The following GAS2L2 variants were observed in gnomAD, a reference collection of about 807,000 sequenced individuals.
The protein encoded by GAS2L2 is growth arrest specific 2 like 2.
In GAS2L2, 21 loss-of-function variants were observed where a neutral mutation model predicts 35.2. The ratio of observed to expected loss-of-function variants is 0.60; its 90% CI spans 0.42 to 0.86. The LOEUF (loss-of-function observed/expected upper bound fraction) is 0.86. Among genes scored for constraint, GAS2L2 ranks in the 40% least tolerant of loss-of-function variants. The pLI is 0.00. For missense variants in GAS2L2, 1,169 were observed against 1,144.4 expected, an observed-to-expected ratio of 1.02 and a Z score of -0.31; for synonymous variants, 490 against 473.2, an observed-to-expected ratio of 1.04 and a Z score of -0.46.
chr17:35,746,902 G>A (rs1307255666), intron 5 of GAS2L2, 114 bp downstream of exon 5: 1 of 1,096,812 alleles, frequency 9.1e-7, no homozygotes, highest in African/African-American at 1.6e-5. Flanking sequence ...AAAACCTGTG[G>A]TCTCGGGGTA....
rs782216447 is a variant in GAS2L2 at position 35,745,708 on chromosome 17, C to T, written c.1789G>A (p.Glu597Lys). ...TCAAGGCTACAGTAGATGGCTTGCT[C>T]CTTGTTCCCGCCCAAGGGCAGAGGT... Reference protein sequence around the residue: ...YTPLPLGGNKEQAIYCSLEEE... With the variant: ...YTPLPLGGNKKQAIYCSLEEE... Residue 597 changes from glutamate (E) to lysine (K), a missense_variant, in exon 6 of 6, where the codon GAG becomes AAG. Glu to Lys is a moderately conservative substitution (Grantham distance 56, BLOSUM62 1). Coordinates refer to ENST00000604641, the MANE Select transcript of GAS2L2 (RefSeq NM_139285.4). The T allele has an allele frequency of 1.9e-6, 3 of 1,613,856 alleles. No individual in the cohort carries two copies. The East Asian group carries it at 6.7e-5, about 36-fold the overall frequency.
Position 35,746,329 on chromosome 17 carries a change from G to A in GAS2L2, c.1168C>T (p.Gln390Ter), listed in dbSNP as rs1555598993. ...GTACACTGTGGGTCTCGGCCTTTTT[G>A]GGTAGATGAGGACTGGGGGCTGGGT... Reference protein sequence around the residue: ...SPPSPQSSSTQKGRDPQCTSS... With the variant: ...SPPSPQSSST Residue 390 changes from glutamine (Q) to a stop codon, truncating the protein, a stop_gained, in exon 6 of 6, where the codon CAA (glutamine) becomes TAA (stop). Coordinates refer to ENST00000604641, the MANE Select transcript of GAS2L2 (RefSeq NM_139285.4). LOFTEE classifies it low-confidence loss of function (END_TRUNC). 2 of 1,396,092 alleles carry A rather than the reference G, an allele frequency of 1.4e-6. No homozygotes were observed. Among genetic ancestry groups the A allele is most frequent in the East Asian group, 4.9e-5 (2 of 40,612 alleles). 86.5% of individuals were successfully genotyped at this position (1,396,092 alleles called of 1,614,324 possible).
At position 35,746,189 on chromosome 17, in the gene GAS2L2, G is replaced by C; in HGVS notation, c.1308C>G (p.Thr436=). ...CCTCAATGGCTCGGAGTCTTTGTGGGGTGGGGTTCCCGGCGTCGGTTCCCC... is the reference window on the plus strand; with the variant it reads ...CCTCAATGGCTCGGAGTCTTTGTGGCGTGGGGTTCCCGGCGTCGGTTCCCC... The part of the protein sequence containing the change: ...DSWGTDAGNP[T]PQRLRAIEAT... Residue 436 remains threonine (T), a synonymous_variant, in exon 6 of 6, where the codon ACC becomes ACG. Coordinates refer to ENST00000604641, the MANE Select transcript of GAS2L2 (RefSeq NM_139285.4). 1 of 1,481,212 alleles carries C rather than the reference G, an allele frequency of 6.8e-7. No homozygotes were observed. The highest frequency in any genetic ancestry group is 2.3e-5 in the East Asian group (1 of 43,422). The allele number at this position is 1,481,212 out of a possible 1,614,324, so 91.8% of individuals were successfully genotyped here.
At chr17:35,748,251 C>T (rs1287903803) in intron 3 of GAS2L2, among the ~76,000 whole-genome samples, 1 of 152,200 alleles carries the variant, frequency 6.6e-6, no homozygotes, top group African/African-American at 2.4e-5. Context: ...TGCCTGTACC[C>T]AAAACAGGGC....
chr17:35,744,737 C>T lies in GAS2L2; in HGVS notation c.*117G>A, dbSNP rs1447670536. On this transcript the variant is annotated 3_prime_UTR_variant, in exon 6 of 6. Coordinates refer to ENST00000604641, the MANE Select transcript of GAS2L2 (RefSeq NM_139285.4). Reference sequence around the variant, plus strand: ...GTCTATATTTGTCTTCTGACCCACTCCTGCCCAAGGCCCTGTGTGGAGGTG... The same window carrying T: ...GTCTATATTTGTCTTCTGACCCACTTCTGCCCAAGGCCCTGTGTGGAGGTG... 5 of 797,812 alleles carry T rather than the reference C, an allele frequency of 6.3e-6. No homozygotes were observed. The highest frequency in any genetic ancestry group is 2.7e-5 in the East Asian group (1 of 37,180). The allele number at this position is 797,812 out of a possible 1,614,324, so 49.4% of individuals were successfully genotyped here.
chr17:35,747,980 G>A (rs782359008), intron 3 of GAS2L2, 35 bp from the exon 4 acceptor site: 79 of 1,538,668 alleles, frequency 5.1e-5, no homozygotes, highest in Non-Finnish European at 7.0e-5. Context: ...GGGCGGGGTG[G>A]AGGGCAGCCC....
chr17:35,752,910 C>T lies in GAS2L2; in HGVS notation c.-60G>A. The T allele has an allele frequency of 2.0e-6, 3 of 1,504,738 alleles. No individual in the cohort carries two copies. Among genetic ancestry groups the T allele is most frequent in the Non-Finnish European group, 2.7e-6 (3 of 1,124,576 alleles). The allele number at this position is 1,504,738 out of a possible 1,614,324, so 93.2% of individuals were successfully genotyped here. A position where few individuals can be genotyped will look rare whatever the true frequency, so the allele number is the denominator to read the frequency against. On this transcript the variant is annotated 5_prime_UTR_variant, in exon 1 of 6. Coordinates refer to ENST00000604641, the MANE Select transcript of GAS2L2 (RefSeq NM_139285.4). The stretch of plus-strand genomic sequence containing the variant: ...CCCCTCTCCCACTGCCGCCTCTTTC[C>T]TCCCGCTGCTGCTGGGTCTCGGCTG...
In GAS2L2 at chr17:35,753,165, C is replaced by G. The variant is rs1287526873; in HGVS notation, c.-315G>C. 1.3e-5 allele frequency among the ~76,000 whole-genome samples: 2 copies of G among 152,202 alleles called. No individual in the cohort carries two copies. Among genetic ancestry groups the G allele is most frequent in the Non-Finnish European group, 2.9e-5 (2 of 68,030 alleles). ...GCCAGATGGAAGTGAGGACACTCCT[C>G]TCTTTCCCCAGAGCTGGAGAGATCA... On this transcript the variant is annotated 5_prime_UTR_variant, in exon 1 of 6. Transcript: ENST00000604641.
chr17:35,748,527 TG>T (rs1555599337), intron 3 of GAS2L2, among the ~76,000 whole-genome samples: 1 of 152,236 alleles, frequency 6.6e-6, no homozygotes, highest in Non-Finnish European at 1.5e-5. Context: ...GCCGCTCATG[TG>T]GGTACAGACC....
chr17:35,745,444 C>T lies in GAS2L2; in HGVS notation c.2053G>A (p.Val685Ile), dbSNP rs2085659021. 10 of 1,579,646 alleles carry T rather than the reference C, an allele frequency of 6.3e-6. No homozygotes were observed. The East Asian group carries it at 2.2e-4, about 35-fold the overall frequency. The change falls in exon 6 of 6, where the codon GTT becomes ATT. Residue 685 changes from valine to isoleucine, a missense_variant. Physicochemically the swap from Val to Ile is conservative, Grantham distance 29 (BLOSUM62 3). This residue lies in a region of GAS2L2 where 1,035 missense variants were observed against 976.5 expected (regional missense o/e 1.06). Coordinates refer to ENST00000604641, the MANE Select transcript of GAS2L2 (RefSeq NM_139285.4). ...TTGAGGCTTCCCGGTCCTGGGGTAA[C>T]AGCTGGCTTAGGGGAGCCAGTCGGG... ...AAPTGSPKPA[V>I]TPGPGSLKGK... is the part of the protein sequence containing the mutation.
rs9914929 is a variant in GAS2L2 at position 35,753,046 on chromosome 17, C to G, written c.-196G>C. On this transcript the variant is annotated 5_prime_UTR_variant, in exon 1 of 6. Coordinates refer to ENST00000604641, the MANE Select transcript of GAS2L2 (RefSeq NM_139285.4). ...AGGCCTGGCCCAGCCCCTGCCCCCCCACATTCCTCAGTCCTTGCCAGAGCT... is the reference window on the plus strand; with the variant it reads ...AGGCCTGGCCCAGCCCCTGCCCCCCGACATTCCTCAGTCCTTGCCAGAGCT... 1.2e-4 allele frequency among the ~76,000 whole-genome samples: 18 copies of G among 152,258 alleles called. No homozygotes were observed. The highest frequency in any genetic ancestry group is 1.5e-4 in the Non-Finnish European group (10 of 68,022).
chr17:35,749,189 C>T lies in GAS2L2; in HGVS notation c.656G>A (p.Cys219Tyr). The change falls in exon 3 of 6, where the codon TGC becomes TAC. Residue 219 changes from cysteine (C) to tyrosine (Y), a missense_variant. This residue lies in a region of GAS2L2 where 1,035 missense variants were observed against 976.5 expected (regional missense o/e 1.06). Coordinates refer to ENST00000604641, the MANE Select transcript of GAS2L2 (RefSeq NM_139285.4). Reference protein sequence around the residue: ...MVQSLVSHCTCPVQFSMVKVS... With the variant: ...MVQSLVSHCTYPVQFSMVKVS... ...TTTGACCATGGAGAACTGCACTGGG[C>T]ACGTGCAGTGGCTCACAAGGCTCTG... 1.2e-6 allele frequency: 2 copies of T among 1,613,744 alleles called. No homozygotes were observed. Among genetic ancestry groups the T allele is most frequent in the Non-Finnish European group, 1.7e-6 (2 of 1,179,804 alleles).
At chr17:35,748,437 G>A (rs1360775850) in intron 3 of GAS2L2, among the ~76,000 whole-genome samples, 2 of 152,234 alleles carry the variant, frequency 1.3e-5, no homozygotes, top group Non-Finnish European at 2.9e-5. Flanking sequence ...TCAGGTCTAG[G>A]GGAGGGCCCA....
chr17:35,749,614 T>A (rs2085690808), intron 2 of GAS2L2, among the ~76,000 whole-genome samples: 1 of 152,154 alleles, frequency 6.6e-6, no homozygotes, highest in Admixed American at 6.5e-5. Context: ...TTCCAAACAC[T>A]TTGTATGTGC....
rs9914929 is a variant in GAS2L2 at position 35,753,046 on chromosome 17, C to T, written c.-196G>A. 1.3e-5 allele frequency among the ~76,000 whole-genome samples: 2 copies of T among 152,142 alleles called. No individual in the cohort carries two copies. The highest frequency in any genetic ancestry group is 4.8e-5 in the African/African-American group (2 of 41,384). ...AGGCCTGGCCCAGCCCCTGCCCCCC[C>T]ACATTCCTCAGTCCTTGCCAGAGCT... On this transcript the variant is annotated 5_prime_UTR_variant, in exon 1 of 6. It introduces an in-frame stop codon into an upstream open reading frame of the 5' UTR. Coordinates refer to ENST00000604641, the MANE Select transcript of GAS2L2 (RefSeq NM_139285.4).
At chr17:35,747,723 C>T (rs1034766453) in intron 4 of GAS2L2, 126 bp downstream of exon 4, 3 of 737,814 alleles carry the variant, frequency 4.1e-6, no homozygotes, top group African/African-American at 1.7e-5. Flanking sequence ...GCCTCCCCCA[C>T]ACCTCCCCAC....
rs782733970 is a variant in GAS2L2 at position 35,752,522 on chromosome 17, G to T, written c.329C>A (p.Ala110Asp). The T allele has an allele frequency of 3.7e-6, 6 of 1,610,750 alleles. No individual in the cohort carries two copies. The highest frequency in any genetic ancestry group is 4.2e-6 in the Non-Finnish European group (5 of 1,177,362). ...NGAAQPGTFQ[A>D]RDNVSNFIQW... ...GATGAAGTTAGAGACATTGTCCCTG[G>T]CCTGGAAGGTACCTGGCTGGGCGGC... Residue 110 changes from alanine to aspartate, a missense_variant, in exon 1 of 6, where the codon GCC becomes GAC. This residue lies in a region of GAS2L2 where 127 missense variants were observed against 146.1 expected (regional missense o/e 0.87). Transcript: ENST00000604641.
rs976564215 is a variant in GAS2L2, at chr17:35,744,722, G to C, written c.*132C>G. Reference sequence around the variant, plus strand: ...AGATGAGCAGATGGAGTCTATATTTGTCTTCTGACCCACTCCTGCCCAAGG... The same window carrying C: ...AGATGAGCAGATGGAGTCTATATTTCTCTTCTGACCCACTCCTGCCCAAGG... On this transcript the variant is annotated 3_prime_UTR_variant, in exon 6 of 6. Coordinates refer to ENST00000604641, the MANE Select transcript of GAS2L2 (RefSeq NM_139285.4). 4.4e-5 allele frequency: 31 copies of C among 697,356 alleles called. No individual in the cohort carries two copies. In the African/African-American group the frequency reaches 5.2e-4, roughly 12 times the overall value. The allele number at this position is 697,356 out of a possible 1,614,324, so 43.2% of individuals were successfully genotyped here. A position where few individuals can be genotyped will look rare whatever the true frequency, so the allele number is the denominator to read the frequency against.
intron 1 of GAS2L2, among the ~76,000 whole-genome samples, chr17:35,750,730 A>G (rs1314290477): frequency 2.0e-5 from 3 of 152,174 alleles, no homozygotes; most frequent in African/African-American, 4.8e-5. Context: ...CTCTCCTCCT[A>G]TCTCCACCAG....
Sources: allele counts gnomAD v4.1 joint callset (sites outside exome capture counted in the v4.1 genomes callset), GRCh38; gene constraint gnomAD v4.1.1; regional missense constraint gnomAD v4.1.1; transcripts MANE v1.5; gene names NCBI Gene and HGNC (gene_info 2026-07-23, HGNC 2026-07-21).